The following RBL1 variants were observed in gnomAD, a reference collection of about 807,000 sequenced individuals.
The protein encoded by RBL1 is retinoblastoma-like protein 1.
A neutral mutation model predicts 123.0 loss-of-function variants in RBL1; 82 were observed. The observed-to-expected ratio is 0.67, with a 90% CI of 0.56 to 0.80. The LOEUF (loss-of-function observed/expected upper bound fraction) is 0.80, where lower values mean the gene tolerates loss of function less well. Among genes scored for constraint, RBL1 ranks in the 30% least tolerant of loss-of-function variants. RBL1 has a pLI of 0.00. For missense variants in RBL1, 1,171 were observed against 1,299.6 expected (o/e 0.90, Z 1.52); for synonymous variants, 405 against 441.3 (o/e 0.92, Z 1.03).
intron 12 of RBL1, among the ~76,000 whole-genome samples, chr20:37,046,054 A>G (rs2064814602): frequency 6.6e-6 from 1 of 152,210 alleles, no homozygotes; most frequent in African/African-American, 2.4e-5. Context: ...CCTCTGTTTT[A>G]TTTTGAAAAG....
At chr20:37,023,925 G>C (rs775012253) in intron 16 of RBL1, among the ~76,000 whole-genome samples, 1 of 151,520 alleles carries the variant, frequency 6.6e-6, no homozygotes, top group Non-Finnish European at 1.5e-5. Flanking sequence ...CTACAGGCAA[G>C]TGCCACCACG....
chr20:37,071,931 C>T (rs953813159), intron 2 of RBL1, among the ~76,000 whole-genome samples: 15 of 152,154 alleles, frequency 9.9e-5, no homozygotes, highest in East Asian at 3.9e-4. Flanking sequence ...GCTTCCTATA[C>T]GGCCTGCAGA....
At chr20:37,030,855 A>C in intron 16 of RBL1, among the ~76,000 whole-genome samples, 1 of 101,366 alleles carries the variant, frequency 9.9e-6, no homozygotes, top group Non-Finnish European at 2.2e-5. Flanking sequence ...ACTCTGTCTC[A>C]AAAAAAAAAA....
At chr20:37,008,558 A>C (rs1052668638) in intron 19 of RBL1, among the ~76,000 whole-genome samples, 2 of 152,218 alleles carry the variant, frequency 1.3e-5, no homozygotes, top group African/African-American at 4.8e-5. Context: ...AAGGAAGAGT[A>C]TTACAGGGTA....
At chr20:37,045,476 G>A (rs181867447) in intron 12 of RBL1, among the ~76,000 whole-genome samples, 23 of 151,894 alleles carry the variant, frequency 1.5e-4, no homozygotes, top group Non-Finnish European at 2.5e-4. Context: ...AAAGGAGGCC[G>A]ACACAGTGGC....
chr20:37,062,045 A>G, intron 8 of RBL1, 39 bp downstream of exon 8: 1 of 1,555,130 alleles, frequency 6.4e-7, no homozygotes, highest in Non-Finnish European at 8.7e-7. Context: ...CAGAGAGAAA[A>G]AGATCATTCA....
intron 9 of RBL1, among the ~76,000 whole-genome samples, chr20:37,058,518 GAAA>G (rs1230762198): frequency 1.5e-5 from 1 of 68,866 alleles, no homozygotes. Flanking sequence ...CGCCTCAAAA[GAAA>G]AAAAAAAAAA....
intron 13 of RBL1, among the ~76,000 whole-genome samples, chr20:37,041,490 T>G (rs2146262263): frequency 6.6e-6 from 1 of 152,074 alleles, no homozygotes; most frequent in African/African-American, 2.4e-5. Flanking sequence ...CCCAGCTAAT[T>G]TTTTGTATTT....
intron 19 of RBL1, among the ~76,000 whole-genome samples, chr20:37,009,001 TG>T (rs2064114151): frequency 6.6e-6 from 1 of 152,100 alleles, no homozygotes; most frequent in African/African-American, 2.4e-5. Context: ...CCCAGTTTTT[TG>T]TGTATAGTCT....
At chr20:37,054,410 C>T (rs765271995) in intron 11 of RBL1, among the ~76,000 whole-genome samples, 11 of 151,564 alleles carry the variant, frequency 7.3e-5, no homozygotes, top group Admixed American at 2.6e-4. Flanking sequence ...CTTGAACTCG[C>T]GAGGCGGAGG....
At chr20:37,039,452 T>C (rs1478259255) in intron 14 of RBL1, among the ~76,000 whole-genome samples, 1 of 152,118 alleles carries the variant, frequency 6.6e-6, no homozygotes, top group East Asian at 1.9e-4. Context: ...CACTGAATCA[T>C]GGGGGTGGGT....
At chr20:37,000,051 G>C (rs577388100) in intron 21 of RBL1, among the ~76,000 whole-genome samples, 14 of 147,854 alleles carry the variant, frequency 9.5e-5, no homozygotes, top group African/African-American at 3.2e-4. Context: ...AGTGAGGAGC[G>C]TCTCTGCCAG....
chr20:37,001,940 A>C (rs1275277798), intron 21 of RBL1, among the ~76,000 whole-genome samples: 35 of 149,508 alleles, frequency 2.3e-4, no homozygotes, highest in Non-Finnish European at 4.7e-4. Flanking sequence ...AAAAAAAAAA[A>C]AACAAACCAA....
At position 37,061,144 on chromosome 20, in the gene RBL1, A is replaced by G. The variant is rs779852158; in HGVS notation, c.1209T>C (p.Gly403=). Residue 403 remains glycine, a synonymous_variant, in exon 9 of 22, where the codon GGT becomes GGC. Coordinates refer to ENST00000373664, the MANE Select transcript of RBL1 (RefSeq NM_002895.5). ...SVSRLQSIVA[G]LKNAPSDQLI... is the part of the protein sequence containing the mutation. Reference sequence around the variant, plus strand: ...GTTGGTCACTTGGTGCATTTTTCAGACCAGCCACAATACTCTGTAACCGGC... The same window carrying G: ...GTTGGTCACTTGGTGCATTTTTCAGGCCAGCCACAATACTCTGTAACCGGC... 1 of 1,610,614 alleles carries G rather than the reference A, an allele frequency of 6.2e-7. No individual in the cohort carries two copies. The highest frequency in any genetic ancestry group is 8.5e-7 in the Non-Finnish European group (1 of 1,178,380).
intron 20 of RBL1, among the ~76,000 whole-genome samples, chr20:37,006,472 C>G (rs936439362): frequency 1.5e-4 from 22 of 151,624 alleles, no homozygotes; most frequent in African/African-American, 5.3e-4. Context: ...AGATTACAGG[C>G]ATGAGCCACC....
chr20:37,005,894 C>CTTTTTTTTTTTT (rs1013303071), intron 20 of RBL1, among the ~76,000 whole-genome samples: 3 of 98,142 alleles, frequency 3.1e-5, no homozygotes, highest in Admixed American at 1.2e-4. Context: ...TTTTTTCTTT[C>CTTTTTTTTTTTT]TTTTTTTTTT....
intron 2 of RBL1, among the ~76,000 whole-genome samples, chr20:37,069,520 C>T (rs2065246188): frequency 6.6e-6 from 1 of 151,888 alleles, no homozygotes; most frequent in African/African-American, 2.4e-5. Flanking sequence ...AGCACCTCTG[C>T]CCGGCTGCGA....
chr20:37,050,542 C>A (rs1391602954), intron 11 of RBL1, among the ~76,000 whole-genome samples: 6 of 41,802 alleles, frequency 1.4e-4, no homozygotes, highest in African/African-American at 6.2e-4. Flanking sequence ...AAGACTCTGT[C>A]TCAAAAAAAA....
intron 11 of RBL1, among the ~76,000 whole-genome samples, chr20:37,054,346 G>C (rs1171398297): frequency 6.6e-6 from 1 of 151,976 alleles, no homozygotes; most frequent in Non-Finnish European, 1.5e-5. Context: ...TTAGCTGGGT[G>C]TGGTGGCAGG....
Sources: allele counts gnomAD v4.1 joint callset (sites outside exome capture counted in the v4.1 genomes callset), GRCh38; gene constraint gnomAD v4.1.1; transcripts MANE v1.5; gene names NCBI Gene and HGNC (gene_info 2026-07-23, HGNC 2026-07-21).